Variants in PTPRQ observed in about 807,000 individuals in gnomAD.
PTPRQ encodes protein tyrosine phosphatase receptor type Q.
In PTPRQ, 199 loss-of-function variants were observed where a neutral mutation model predicts 246.0. The observed-to-expected ratio is 0.81, with a 90% CI of 0.72 to 0.91. The LOEUF (loss-of-function observed/expected upper bound fraction) is 0.91, where lower values mean the gene tolerates loss of function less well. PTPRQ is among the 40% of genes least tolerant of loss of function. The pLI is 0.00. For missense variants in PTPRQ, 2,624 were observed against 2,528.4 expected (o/e 1.04, Z -0.81); for synonymous variants, 869 against 853.2 (o/e 1.02, Z -0.32).
chr12:80,483,797 A>G (rs1894169302), intron 8 of PTPRQ, among the ~76,000 whole-genome samples: 1 of 151,338 alleles, frequency 6.6e-6, no homozygotes, highest in Non-Finnish European at 1.5e-5. Flanking sequence ...ATGTGTTCTC[A>G]TTGTTCAGCT....
intron 27 of PTPRQ, among the ~76,000 whole-genome samples, chr12:80,609,779 A>G (rs1898479252): frequency 6.6e-6 from 1 of 150,616 alleles, no homozygotes; most frequent in Non-Finnish European, 1.5e-5. Context: ...AAAAGAGCAG[A>G]AAATATCAAA....
In PTPRQ at chr12:80,459,407, C is replaced by A. The variant is rs1592528615; in HGVS notation, c.584C>A (p.Ala195Asp). 2.5e-6 allele frequency: 1 copy of A among 398,312 alleles called. No individual in the cohort carries two copies. The highest frequency in any genetic ancestry group is 4.4e-6 in the Non-Finnish European group (1 of 225,968). 24.7% of individuals were successfully genotyped at this position (398,312 alleles called of 1,614,324 possible). Residue 195 changes from alanine (A) to aspartate (D), a missense_variant, in exon 5 of 45, where the codon GCC (alanine) becomes GAC (aspartate). By Grantham distance (126) the Ala-to-Asp change is moderately radical. Coordinates refer to ENST00000644991, the MANE Select transcript of PTPRQ (RefSeq NM_001145026.2). ...AGCTTCAAGATTAGTGTCAAGCATG[C>A]CAGAAGTGGGATAGTAGTGAAAGAT... ...ITSFKISVKH[A>D]RSGIVVKDVS...
intron 35 of PTPRQ, among the ~76,000 whole-genome samples, chr12:80,640,166 GTC>G (rs1468768174): frequency 6.6e-6 from 1 of 152,056 alleles, no homozygotes; most frequent in African/African-American, 2.4e-5. Flanking sequence ...ATGAGAATGA[GTC>G]TAAAGAAAGA....
chr12:80,475,910 T>C (rs1327691876), intron 8 of PTPRQ, among the ~76,000 whole-genome samples: 4 of 152,120 alleles, frequency 2.6e-5, no homozygotes, highest in African/African-American at 9.7e-5. Flanking sequence ...AAAATATATA[T>C]AGTTTTCTGC....
chr12:80,458,232 T>C (rs958281337), intron 4 of PTPRQ, among the ~76,000 whole-genome samples: 1 of 152,224 alleles, frequency 6.6e-6, no homozygotes, highest in South Asian at 2.1e-4. Context: ...ATCTAATCTA[T>C]CAGTAAATCT....
intron 35 of PTPRQ, 21 bp downstream of exon 35, chr12:80,635,094 G>T: frequency 6.5e-7 from 1 of 1,547,634 alleles, no homozygotes; most frequent in South Asian, 1.2e-5. Flanking sequence ...TCCTCTGGGT[G>T]AACTGTGGTC....
At chr12:80,446,814 C>G (rs1303165246) in intron 3 of PTPRQ, among the ~76,000 whole-genome samples, 2 of 151,728 alleles carry the variant, frequency 1.3e-5, no homozygotes, top group African/African-American at 4.8e-5. Flanking sequence ...ATTTTCTTTA[C>G]CCATATGATA....
intron 25 of PTPRQ, among the ~76,000 whole-genome samples, chr12:80,562,094 G>A (rs1286397794): frequency 6.6e-6 from 1 of 151,858 alleles, no homozygotes; most frequent in Non-Finnish European, 1.5e-5. Context: ...TTCTAATATT[G>A]AACCAGCCTT....
Position 80,613,771 on chromosome 12 carries a change from A to G in PTPRQ, c.5098A>G (p.Lys1700Glu). 1 of 1,542,062 alleles carries G rather than the reference A, an allele frequency of 6.5e-7. No individual in the cohort carries two copies. The highest frequency in any genetic ancestry group is 8.8e-7 in the Non-Finnish European group (1 of 1,141,340). The change falls in exon 29 of 45, where the codon AAA (lysine) becomes GAA (glutamate). Residue 1700 changes from lysine (K) to glutamate (E), a missense_variant. Physicochemically the swap from Lys to Glu is moderately conservative, Grantham distance 56. Transcript: ENST00000644991. ...GATTCACAACCTCAGTATTATACAG[A>G]AAACCAACACATTCGTCATTGCAAT... Reference protein sequence around the residue: ...VQIHNLSIIQKTNTFVIAMLE... With the variant: ...VQIHNLSIIQETNTFVIAMLE...
intron 25 of PTPRQ, among the ~76,000 whole-genome samples, chr12:80,579,234 G>A (rs1216358253): frequency 1.3e-5 from 2 of 152,120 alleles, no homozygotes; most frequent in East Asian, 3.8e-4. Flanking sequence ...ATCTCTGTCT[G>A]TTGTTTCTCT....
intron 34 of PTPRQ, among the ~76,000 whole-genome samples, chr12:80,633,690 C>G (rs1418991502): frequency 6.6e-6 from 1 of 152,204 alleles, no homozygotes; most frequent in African/African-American, 2.4e-5. Context: ...GATATTTTCT[C>G]TATACCACAT....
At chr12:80,626,049 G>C (rs188584947) in intron 33 of PTPRQ, among the ~76,000 whole-genome samples, 142 of 152,248 alleles carry the variant, frequency 9.3e-4, no homozygotes, top group Middle Eastern at 3.4e-3. Context: ...CTCTGTGATT[G>C]TTTTCTTTTG....
Position 80,535,045 on chromosome 12 carries a change from C to G in PTPRQ, c.2985+8C>G. 1 of 1,496,518 alleles carries G rather than the reference C, an allele frequency of 6.7e-7. No individual in the cohort carries two copies. Among genetic ancestry groups the G allele is most frequent in the Non-Finnish European group, 8.9e-7 (1 of 1,128,214 alleles). 92.7% of individuals were successfully genotyped at this position (1,496,518 alleles called of 1,614,324 possible). A position where few individuals can be genotyped will look rare whatever the true frequency, so the allele number is the denominator to read the frequency against. ...TCAGGTACTTTTATGCAGGTAAGAA[C>G]TGAATTTTCTTCTAGTTCTTTATTA... On this transcript the variant is annotated splice_region_variant and intron_variant, in intron 19 of 44. Coordinates refer to ENST00000644991, the MANE Select transcript of PTPRQ (RefSeq NM_001145026.2).
chr12:80,444,525 A>G (rs1892492723), intron 1 of PTPRQ, 126 bp downstream of exon 1: 5 of 715,476 alleles, frequency 7.0e-6, no homozygotes, highest in Admixed American at 2.8e-5. Flanking sequence ...GGCTGTGATA[A>G]CGCAGTACGT....
At position 80,502,576 on chromosome 12, in the gene PTPRQ, A is replaced by C. The variant is rs150128985; in HGVS notation, c.2273-3448A>C. Among the ~76,000 whole-genome samples, 439 of 152,028 alleles carry C rather than the reference A, an allele frequency of 2.9e-3. 2 individuals carry two copies. The highest frequency in any genetic ancestry group is 9.8e-3 in the African/African-American group (408 of 41,540). On this transcript the variant is annotated intron_variant, in intron 14 of 44. Transcript: ENST00000644991. The stretch of plus-strand genomic sequence containing the variant: ...CCCAGGAAAGTAAAATAGAAACAGA[A>C]GGACCTGATGGATATTGCTAGGAAG...
intron 39 of PTPRQ, among the ~76,000 whole-genome samples, chr12:80,660,618 T>A (rs73150801): frequency 0.2 from 29,744 of 151,986 alleles, 3,238 homozygotes; most frequent in Non-Finnish European, 0.24. Context: ...ATCTCTCCTG[T>A]CAATTTCAGA....
At chr12:80,511,398 AG>A (rs1895123924) in intron 17 of PTPRQ, among the ~76,000 whole-genome samples, 1 of 152,178 alleles carries the variant, frequency 6.6e-6, no homozygotes. Context: ...GCAGGGAAGA[AG>A]GTTACCATTC....
chr12:80,619,087 A>G (rs1180565300), intron 30 of PTPRQ, among the ~76,000 whole-genome samples: 2 of 151,560 alleles, frequency 1.3e-5, no homozygotes, highest in Non-Finnish European at 3.0e-5. Flanking sequence ...CATTTATAAA[A>G]AATATATATG....
chr12:80,445,184 CT>C (rs1230766882), intron 2 of PTPRQ, among the ~76,000 whole-genome samples: 5 of 151,858 alleles, frequency 3.3e-5, no homozygotes, highest in Non-Finnish European at 5.9e-5. Flanking sequence ...AAGATTATTT[CT>C]TGTTTTCTTA....
Sources: allele counts gnomAD v4.1 joint callset (sites outside exome capture counted in the v4.1 genomes callset), GRCh38; gene constraint gnomAD v4.1.1; transcripts MANE v1.5; gene names NCBI Gene and HGNC (gene_info 2026-07-23, HGNC 2026-07-21).